UBQLN1: variants seen among roughly 807,000 people sequenced by gnomAD.
The protein encoded by UBQLN1 is ubiquilin 1.
In UBQLN1, 13 loss-of-function variants were observed where a neutral mutation model predicts 65.4. That is an observed-to-expected ratio of 0.20 (90% confidence interval 0.13 to 0.32). The LOEUF (loss-of-function observed/expected upper bound fraction) is 0.32, where lower values mean the gene tolerates loss of function less well. UBQLN1 is among the 10% of genes least tolerant of loss of function. UBQLN1 has a pLI of 1.00. For missense variants in UBQLN1, 561 were observed against 724.0 expected (o/e 0.77, Z 2.58); for synonymous variants, 267 against 247.8 (o/e 1.08, Z -0.73).
intron 1 of UBQLN1, among the ~76,000 whole-genome samples, chr9:83,695,035 T>C (rs1832186543): frequency 6.6e-6 from 1 of 151,816 alleles, no homozygotes; most frequent in South Asian, 2.1e-4. Flanking sequence ...ACTACCAAGG[T>C]AACACAAGTA....
intron 1 of UBQLN1, among the ~76,000 whole-genome samples, chr9:83,689,765 G>C (rs1832096063): frequency 6.6e-6 from 1 of 152,172 alleles, no homozygotes; most frequent in Admixed American, 6.5e-5. Context: ...AGCCCTTAAA[G>C]AGACAATTTG....
chr9:83,669,165 C>G lies in UBQLN1; in HGVS notation c.1248+20G>C. On this transcript the variant is annotated intron_variant, in intron 7 of 10. Coordinates refer to ENST00000376395, the MANE Select transcript of UBQLN1 (RefSeq NM_013438.5). ...TTAATTCACACTGCACAGTCTTTTT[C>G]AATACAATTACAAACTCACCTGTGC... The G allele has an allele frequency of 6.3e-7, 1 of 1,595,566 alleles. No individual in the cohort carries two copies. The highest frequency in any genetic ancestry group is 8.5e-7 in the Non-Finnish European group (1 of 1,176,192).
At position 83,666,616 on chromosome 9, in the gene UBQLN1, C is replaced by CA. The variant is rs553194005; in HGVS notation, c.1249-184dup. 26 of 503,202 alleles carry CA rather than the reference C, an allele frequency of 5.2e-5. No homozygotes were observed. In the Middle Eastern group the frequency reaches 1.7e-3, roughly 32 times the overall value. The allele number at this position is 503,202 out of a possible 1,614,324, so 31.2% of individuals were successfully genotyped here. A position where few individuals can be genotyped will look rare whatever the true frequency, so the allele number is the denominator to read the frequency against. ...AGAGGGATCTCCAGAAGAACAAAAA[C>CA]AAAAAAATGAGGCATATTCTCTCTC... is the stretch of plus-strand genomic sequence containing the variant. On this transcript the variant is annotated intron_variant, in intron 7 of 10. Transcript: ENST00000376395.
At position 83,707,873 on chromosome 9, in the gene UBQLN1, C is replaced by G. The variant is rs1832446597; in HGVS notation, c.-194G>C. 1 of 753,416 alleles carries G rather than the reference C, an allele frequency of 1.3e-6. No individual in the cohort carries two copies. The highest frequency in any genetic ancestry group is 1.9e-5 in the African/African-American group (1 of 53,414). The allele number at this position is 753,416 out of a possible 1,614,324, so 46.7% of individuals were successfully genotyped here. On this transcript the variant is annotated 5_prime_UTR_variant, in exon 1 of 11. Transcript: ENST00000376395. ...GCTCGGTGCAGGCTCTGGCGCAGGC[C>G]CGGGTCAGGCGCTCGGCAGCCGCCG... is the stretch of plus-strand genomic sequence containing the variant.
chr9:83,700,962 AG>A (rs1399388943), intron 1 of UBQLN1, among the ~76,000 whole-genome samples: 10 of 152,238 alleles, frequency 6.6e-5, no homozygotes, highest in Non-Finnish European at 1.2e-4. Flanking sequence ...GGAGAGTTAT[AG>A]AAGTCAGGCA....
intron 8 of UBQLN1, among the ~76,000 whole-genome samples, chr9:83,666,079 T>C (rs1831638942): frequency 1.3e-5 from 2 of 152,162 alleles, no homozygotes; most frequent in African/African-American, 2.4e-5. Flanking sequence ...AAATGGTTTA[T>C]GGTATTAACA....
intron 1 of UBQLN1, among the ~76,000 whole-genome samples, chr9:83,698,714 G>A (rs892765434): frequency 2.6e-5 from 4 of 152,060 alleles, no homozygotes; most frequent in Middle Eastern, 3.2e-3. Flanking sequence ...AGGAGTTTGA[G>A]ACCAACCTGG....
Position 83,677,338 on chromosome 9 carries a change from G to A in UBQLN1, c.1105+389C>T, listed in dbSNP as rs527866512. Among the ~76,000 whole-genome samples, 6 of 152,288 alleles carry A rather than the reference G, an allele frequency of 3.9e-5. No homozygotes were observed. In the East Asian group the frequency reaches 7.7e-4, roughly 20 times the overall value. On this transcript the variant is annotated intron_variant, in intron 6 of 10. Coordinates refer to ENST00000376395, the MANE Select transcript of UBQLN1 (RefSeq NM_013438.5). ...AGCAATTTGGGAGGCCAAGGCAGGCGGATCACCTGAGGTCAGGAGTTCAAG... is the reference window on the plus strand; with the variant it reads ...AGCAATTTGGGAGGCCAAGGCAGGCAGATCACCTGAGGTCAGGAGTTCAAG...
rs1832308342 is a variant in UBQLN1, at chr9:83,701,471, C to T, written c.180+6029G>A. Among the ~76,000 whole-genome samples, 3 of 152,080 alleles carry T rather than the reference C, an allele frequency of 2.0e-5. No homozygotes were observed. The South Asian group carries it at 6.2e-4, about 32-fold the overall frequency. ...GAAAATAGTTTCATCTCATGGTACCCTTAACAGGGTATGGGGACTCCCCAA... is the reference window on the plus strand; with the variant it reads ...GAAAATAGTTTCATCTCATGGTACCTTTAACAGGGTATGGGGACTCCCCAA... On this transcript the variant is annotated intron_variant, in intron 1 of 10. Coordinates refer to ENST00000376395, the MANE Select transcript of UBQLN1 (RefSeq NM_013438.5).
At chr9:83,685,887 A>T (rs1832032780) in intron 2 of UBQLN1, 117 bp downstream of exon 2, 6 of 914,532 alleles carry the variant, frequency 6.6e-6, no homozygotes, top group Non-Finnish European at 9.4e-6. Context: ...CAAGGAAAGA[A>T]TTTTAACTAT....
chr9:83,680,111 G>A lies in UBQLN1; in HGVS notation c.449-74C>T. Reference sequence around the variant, plus strand: ...TCATTAACATGACATAAAATATGAAGATGCAAAAAAGTATTAGCTGACCCA... The same window carrying A: ...TCATTAACATGACATAAAATATGAAAATGCAAAAAAGTATTAGCTGACCCA... On this transcript the variant is annotated intron_variant, in intron 3 of 10. Coordinates refer to ENST00000376395, the MANE Select transcript of UBQLN1 (RefSeq NM_013438.5). 5.4e-6 allele frequency: 8 copies of A among 1,470,718 alleles called. No individual in the cohort carries two copies. The Admixed American group carries it at 9.2e-5, about 17-fold the overall frequency. 91.1% of individuals were successfully genotyped at this position (1,470,718 alleles called of 1,614,324 possible). A position where few individuals can be genotyped will look rare whatever the true frequency, so the allele number is the denominator to read the frequency against.
At chr9:83,688,161 T>C (rs1832069669) in intron 1 of UBQLN1, among the ~76,000 whole-genome samples, 1 of 152,196 alleles carries the variant, frequency 6.6e-6, no homozygotes, top group African/African-American at 2.4e-5. Flanking sequence ...TGTATATAAA[T>C]GCAAACATCA....
At chr9:83,664,730 A>G (rs778087633) in intron 9 of UBQLN1, among the ~76,000 whole-genome samples, 2 of 151,866 alleles carry the variant, frequency 1.3e-5, no homozygotes, top group Non-Finnish European at 2.9e-5. Context: ...GCAAAGCTCC[A>G]TCTCTAAAAA....
intron 1 of UBQLN1, among the ~76,000 whole-genome samples, chr9:83,705,876 G>A (rs10868045): frequency 0.82 from 124,231 of 151,840 alleles, 51,367 homozygotes; most frequent in African/African-American, 0.93. Context: ...AGTACTATAG[G>A]CTCTATGGGA....
chr9:83,663,824 T>C (rs772155197), intron 10 of UBQLN1, 51 bp downstream of exon 10: 13 of 1,561,300 alleles, frequency 8.3e-6, no homozygotes, highest in African/African-American at 1.4e-5. Flanking sequence ...TGGAAATTTC[T>C]AAATTTCCAA....
intron 10 of UBQLN1, among the ~76,000 whole-genome samples, chr9:83,663,070 G>GAAAA (rs568998289): frequency 2.8e-5 from 3 of 106,406 alleles, no homozygotes; most frequent in East Asian, 2.2e-4. Context: ...GAAAGGGAAA[G>GAAAA]AAAAAAAAAA....
At chr9:83,700,615 T>C (rs1373970013) in intron 1 of UBQLN1, among the ~76,000 whole-genome samples, 1 of 152,174 alleles carries the variant, frequency 6.6e-6, no homozygotes, top group Non-Finnish European at 1.5e-5. Flanking sequence ...AAATAGATAC[T>C]ACCTGGAGAA....
chr9:83,678,426 G>A lies in UBQLN1; in HGVS notation c.870+15C>T. The stretch of plus-strand genomic sequence containing the variant: ...AAGCTACTCCTTGGCCTGAACCTTG[G>A]AGCCAGTGGATCACCTGCTCTTGTG... On this transcript the variant is annotated intron_variant, in intron 5 of 10. Coordinates refer to ENST00000376395, the MANE Select transcript of UBQLN1 (RefSeq NM_013438.5). 6.2e-7 allele frequency: 1 copy of A among 1,603,724 alleles called. No individual in the cohort carries two copies. Among genetic ancestry groups the A allele is most frequent in the Non-Finnish European group, 8.5e-7 (1 of 1,175,564 alleles).
chr9:83,690,658 C>A (rs1437121034), intron 1 of UBQLN1, among the ~76,000 whole-genome samples: 4 of 151,852 alleles, frequency 2.6e-5, no homozygotes, highest in African/African-American at 7.3e-5. Flanking sequence ...TGCTTAAGCC[C>A]AGGAGTTGGA....
Sources: allele counts gnomAD v4.1 joint callset (sites outside exome capture counted in the v4.1 genomes callset), GRCh38; gene constraint gnomAD v4.1.1; transcripts MANE v1.5; gene names NCBI Gene and HGNC (gene_info 2026-07-23, HGNC 2026-07-21).